Variants in ATXN8OS observed in about 807,000 individuals in gnomAD.
ATXN8OS encodes ATXN8 opposite strand (non-protein coding).
At chr13:70,115,651 G>C (rs920576452) in intron 2 of ATXN8OS, among the ~76,000 whole-genome samples, 5 of 152,094 alleles carry the variant, frequency 3.3e-5, no homozygotes, top group Non-Finnish European at 7.4e-5. Flanking sequence ...GTGTCTAACT[G>C]TCTATCATGG....
intron 2 of ATXN8OS, among the ~76,000 whole-genome samples, chr13:70,125,447 T>C (rs1888419510): frequency 6.6e-6 from 1 of 152,126 alleles, no homozygotes; most frequent in South Asian, 2.1e-4. Context: ...AGACAAAAAT[T>C]ACAATAATTT....
chr13:70,128,545 T>TA (rs1888478241), intron 2 of ATXN8OS, among the ~76,000 whole-genome samples: 10 of 138,490 alleles, frequency 7.2e-5, no homozygotes, highest in African/African-American at 2.9e-4. Flanking sequence ...AGCTTAAAAA[T>TA]TAAAAAAAAA....
chr13:70,128,325 A>G (rs1888474289), intron 2 of ATXN8OS, among the ~76,000 whole-genome samples: 1 of 152,188 alleles, frequency 6.6e-6, no homozygotes. Flanking sequence ...TTGGATATCT[A>G]CATGATGTTC....
chr13:70,125,802 G>C (rs1325340952), intron 2 of ATXN8OS, among the ~76,000 whole-genome samples: 2 of 152,116 alleles, frequency 1.3e-5, no homozygotes, highest in Non-Finnish European at 2.9e-5. Flanking sequence ...CAGCTGGTCT[G>C]TGCTGGCTTC....
At chr13:70,164,932 A>G (rs1469190863) in intron 4 of ATXN8OS, among the ~76,000 whole-genome samples, 5 of 152,060 alleles carry the variant, frequency 3.3e-5, no homozygotes, top group Non-Finnish European at 7.4e-5. Flanking sequence ...AATAATAACA[A>G]GAATAAGAAA....
chr13:70,139,400 T>TGCTGCTGCTGCTGCTGCTGCA lies in ATXN8OS; in HGVS notation n.500-7935_500-7934insAGCTGCTGCTGCTGCTGCTGC, dbSNP rs1483119318. Reference sequence around the variant, plus strand: ...CTACTACTACTGCTGCTGCTGCTGCTGCTGCTGCTGCTGCTGCTGCTGCTG... The same window carrying TGCTGCTGCTGCTGCTGCTGCA: ...CTACTACTACTGCTGCTGCTGCTGCTGCTGCTGCTGCTGCTGCTGCAGCTGCTGCTGCTGCTGCTGCTGCTG... On this transcript the variant is annotated intron_variant and non_coding_transcript_variant, in intron 3 of 4. Coordinates refer to ENST00000678624, the Ensembl canonical transcript of ATXN8OS. 7 of 630,174 alleles carry TGCTGCTGCTGCTGCTGCTGCA rather than the reference T, an allele frequency of 1.1e-5. No homozygotes were observed. In the African/African-American group the frequency reaches 1.5e-4, roughly 14 times the overall value. 39.0% of individuals were successfully genotyped at this position (630,174 alleles called of 1,614,324 possible). A position where few individuals can be genotyped will look rare whatever the true frequency, so the allele number is the denominator to read the frequency against.
chr13:70,164,381 C>T (rs1889053486), intron 4 of ATXN8OS, among the ~76,000 whole-genome samples: 1 of 151,440 alleles, frequency 6.6e-6, no homozygotes, highest in African/African-American at 2.4e-5. Context: ...AGAGTTCTAC[C>T]AAGCAGATAA....
chr13:70,109,838 A>C (rs1295991021), intron 1 of ATXN8OS, among the ~76,000 whole-genome samples: 1 of 152,210 alleles, frequency 6.6e-6, no homozygotes, highest in Admixed American at 6.5e-5. Flanking sequence ...GGACAGAGGA[A>C]ACTTTCCATC....
intron 4 of ATXN8OS, among the ~76,000 whole-genome samples, chr13:70,164,452 A>C (rs1189548035): frequency 6.6e-6 from 1 of 151,842 alleles, no homozygotes; most frequent in Non-Finnish European, 1.5e-5. Context: ...TCTGCAAGTG[A>C]AATTGAACCT....
chr13:70,139,356 AC>A, intron 3 of ATXN8OS: 1 of 514,844 alleles, frequency 1.9e-6, no homozygotes, highest in Non-Finnish European at 3.3e-6. Flanking sequence ...TGGCTTTACT[AC>A]TACTACTACT....
chr13:70,127,092 A>G (rs1445850682), intron 2 of ATXN8OS, among the ~76,000 whole-genome samples: 1 of 151,794 alleles, frequency 6.6e-6, no homozygotes, highest in Admixed American at 6.6e-5. Context: ...CATCTCAGAG[A>G]GACAGAGACA....
chr13:70,137,402 T>C (rs1433020994), intron 3 of ATXN8OS, among the ~76,000 whole-genome samples: 3 of 152,182 alleles, frequency 2.0e-5, no homozygotes, highest in African/African-American at 4.8e-5. Context: ...TTCTATGCCA[T>C]GGTGATATTT....
At chr13:70,129,372 T>A (rs1888494572) in intron 2 of ATXN8OS, among the ~76,000 whole-genome samples, 1 of 99,142 alleles carries the variant, frequency 1.0e-5, no homozygotes, top group Admixed American at 1.1e-4. Flanking sequence ...TGCTTGTATT[T>A]TTCTGTGTGT....
intron 4 of ATXN8OS, among the ~76,000 whole-genome samples, chr13:70,154,691 TC>T (rs2137501089): frequency 6.6e-6 from 1 of 152,294 alleles, no homozygotes; most frequent in Non-Finnish European, 1.5e-5. Context: ...CTCCCAGCAA[TC>T]CCTCAACAAA....
At chr13:70,137,679 T>C (rs1487854027) in intron 3 of ATXN8OS, among the ~76,000 whole-genome samples, 1 of 152,200 alleles carries the variant, frequency 6.6e-6, no homozygotes, top group African/African-American at 2.4e-5. Flanking sequence ...CTCCAGATCA[T>C]TTTAAAGCAG....
chr13:70,139,383 A>ACTACTACTACTACTG lies in ATXN8OS; in HGVS notation n.500-7970_500-7969insACTACTACTACTGCT. ...TACTACTACTACTACTACTACTACT[A>ACTACTACTACTACTG]CTGCTGCTGCTGCTGCTGCTGCTGC... On this transcript the variant is annotated intron_variant and non_coding_transcript_variant, in intron 3 of 4. Coordinates refer to ENST00000678624, the Ensembl canonical transcript of ATXN8OS. 4.4e-4 allele frequency: 201 copies of ACTACTACTACTACTG among 458,318 alleles called. 1 individual carries two copies. Among genetic ancestry groups the ACTACTACTACTACTG allele is most frequent in the African/African-American group, 7.4e-4 (24 of 32,270 alleles). 28.4% of individuals were successfully genotyped at this position (458,318 alleles called of 1,614,324 possible).
chr13:70,166,866 G>A (rs1196755804), intron 4 of ATXN8OS, among the ~76,000 whole-genome samples: 1 of 151,512 alleles, frequency 6.6e-6, no homozygotes, highest in Non-Finnish European at 1.5e-5. Flanking sequence ...GATATAAACA[G>A]ACACTTCTCA....
At chr13:70,164,058 A>C (rs1275590503) in intron 4 of ATXN8OS, among the ~76,000 whole-genome samples, 15 of 12,490 alleles carry the variant, frequency 1.2e-3, no homozygotes, top group African/African-American at 2.3e-3. Context: ...TTTTATTCTT[A>C]TTATTATTAT....
At chr13:70,158,485 A>G (rs968719226) in intron 4 of ATXN8OS, among the ~76,000 whole-genome samples, 1 of 152,302 alleles carries the variant, frequency 6.6e-6, no homozygotes, top group Non-Finnish European at 1.5e-5. Context: ...AAATATTAGA[A>G]TCCTTCAGCT....
Sources: gnomAD v4.1 joint callset for allele counts (sites outside exome capture counted in the v4.1 genomes callset) on GRCh38, gnomAD v4.1.1 for gene constraint, MANE v1.5 for transcripts, NCBI Gene and HGNC (gene_info 2026-07-23, HGNC 2026-07-21) for gene names.